PIGN: variants seen among roughly 807,000 people sequenced by gnomAD.
PIGN encodes GPI ethanolamine phosphate transferase 1.
In PIGN, 117 loss-of-function variants were observed where a neutral mutation model predicts 125.4. That is an observed-to-expected ratio of 0.93 (90% CI 0.80 to 1.09). PIGN has a LOEUF of 1.09. Among genes scored for constraint, PIGN ranks in the 50% least tolerant of loss-of-function variants. The pLI is 0.00. For synonymous variants in PIGN, 392 were observed against 377.8 expected, an observed-to-expected ratio of 1.04 and a Z score of -0.44; for missense variants, 1,075 against 1,094.9, an observed-to-expected ratio of 0.98 and a Z score of 0.26.
chr18:62,065,737 A>AG, intron 30 of PIGN, among the ~76,000 whole-genome samples: 1 of 151,778 alleles, frequency 6.6e-6, no homozygotes, highest in Admixed American at 6.6e-5. Flanking sequence ...CTCCGTCTCC[A>AG]AAAAAAAATA....
chr18:62,174,468 T>C (rs1157527098), intron 1 of PIGN: 1 of 152,120 alleles, frequency 6.6e-6, no homozygotes, highest in Non-Finnish European at 1.5e-5. Flanking sequence ...GCAAAGGCAA[T>C]TGAGTCAAAC....
intron 9 of PIGN, 69 bp downstream of exon 9, chr18:62,146,901 TA>T (rs887638132): frequency 1.3e-6 from 2 of 1,497,406 alleles, no homozygotes; most frequent in Admixed American, 3.5e-5. Context: ...CTCAACATCA[TA>T]AAATATTTAC....
At chr18:62,055,349 T>C (rs1395112123) in intron 30 of PIGN, among the ~76,000 whole-genome samples, 5 of 152,216 alleles carry the variant, frequency 3.3e-5, no homozygotes, top group African/African-American at 1.2e-4. Context: ...TACGCAACAA[T>C]GAATCACCAG....
At chr18:62,072,637 C>G (rs140167431) in intron 30 of PIGN, 36 bp downstream of exon 30, 2 of 1,498,420 alleles carry the variant, frequency 1.3e-6, no homozygotes, top group Non-Finnish European at 1.8e-6. Flanking sequence ...GAACTTATCC[C>G]TGTTGTTAAG....
At chr18:62,070,443 CCA>C (rs2145656263) in intron 30 of PIGN, 1 of 396,390 alleles carries the variant, frequency 2.5e-6, no homozygotes, top group East Asian at 3.6e-5. Flanking sequence ...CTGAGAGCAT[CCA>C]CAGTCTATTG....
At chr18:62,166,172 G>A (rs760774853) in intron 1 of PIGN, among the ~76,000 whole-genome samples, 5 of 152,168 alleles carry the variant, frequency 3.3e-5, no homozygotes, top group Admixed American at 2.6e-4. Context: ...CTGAGTTTGC[G>A]CAGGACCTTC....
chr18:62,092,996 C>T (rs964249215), intron 23 of PIGN, among the ~76,000 whole-genome samples: 1 of 151,886 alleles, frequency 6.6e-6, no homozygotes, highest in Non-Finnish European at 1.5e-5. Flanking sequence ...AAATATAGTT[C>T]TTATTTTATA....
rs12326381 is a variant in PIGN, at chr18:62,102,800, C to T, written c.1962G>A (p.Leu654=). 0.21 allele frequency: 309,224 copies of T among 1,456,732 alleles called. 36,512 individuals carry two copies. Among genetic ancestry groups the T allele is most frequent in the Non-Finnish European group, 0.24 (256,256 of 1,058,514 alleles). The allele number at this position is 1,456,732 out of a possible 1,614,324, so 90.2% of individuals were successfully genotyped here. The stretch of plus-strand genomic sequence containing the variant: ...TTGAAAATCTGTAACTGACCTGTAA[C>T]AGATGTACCAATAGCTCTTCCTTTA... ...SFIKEELLVH[L]LQVLSTVLSM... Residue 654 remains leucine (L), a synonymous_variant, in exon 21 of 31, where the codon CTG becomes CTA. Coordinates refer to ENST00000640252, the MANE Select transcript of PIGN (RefSeq NM_176787.5).
chr18:62,086,611 G>GTTT (rs34619080), intron 25 of PIGN, among the ~76,000 whole-genome samples: 5 of 106,844 alleles, frequency 4.7e-5, no homozygotes, highest in Non-Finnish European at 5.5e-5. Context: ...GTAAGACTCC[G>GTTT]TTTTTTGTTT....
At chr18:62,116,033 T>A (rs1000671151) in intron 14 of PIGN, among the ~76,000 whole-genome samples, 5 of 152,202 alleles carry the variant, frequency 3.3e-5, no homozygotes, top group Admixed American at 3.3e-4. Flanking sequence ...TGGGTTCTCA[T>A]GTTGCAGACT....
rs772411133 is a variant in PIGN, at chr18:62,106,882, C to A, written c.1675-1G>T. The stretch of plus-strand genomic sequence containing the variant: ...TATAGCGGTAGAAAAAACTGAGAAC[C>A]TAGTAATGCATTCCAAAGAAGGAAT... On this transcript the variant is annotated splice_acceptor_variant, in intron 18 of 30. Coordinates refer to ENST00000640252, the MANE Select transcript of PIGN (RefSeq NM_176787.5). LOFTEE classifies it high-confidence loss of function. 2 of 1,603,514 alleles carry A rather than the reference C, an allele frequency of 1.2e-6. No homozygotes were observed. Among genetic ancestry groups the A allele is most frequent in the Admixed American group, 1.7e-5 (1 of 58,844 alleles).
chr18:62,080,937 CTGA>C (rs2033419726), intron 28 of PIGN, among the ~76,000 whole-genome samples: 1 of 152,016 alleles, frequency 6.6e-6, no homozygotes, highest in Non-Finnish European at 1.5e-5. Flanking sequence ...CAAGGTTTTG[CTGA>C]TGAACCCAAT....
At chr18:62,104,623 T>C (rs902069106) in intron 20 of PIGN, among the ~76,000 whole-genome samples, 3 of 152,196 alleles carry the variant, frequency 2.0e-5, no homozygotes, top group East Asian at 1.9e-4. Flanking sequence ...TCCTGGTCTA[T>C]TGCATATTGG....
downstream of PIGN, among the ~76,000 whole-genome samples, chr18:62,040,282 C>T (rs939788976): frequency 3.3e-5 from 5 of 149,612 alleles, no homozygotes; most frequent in Admixed American, 1.3e-4. Flanking sequence ...TCCAGGGTGC[C>T]GCACCGCATG....
In PIGN at chr18:62,101,015, T is replaced by C. The variant is rs1184184834; in HGVS notation, c.2077+60A>G. 4.6e-6 allele frequency: 4 copies of C among 864,666 alleles called. No individual in the cohort carries two copies. The African/African-American group carries it at 6.6e-5, about 14-fold the overall frequency. 53.6% of individuals were successfully genotyped at this position (864,666 alleles called of 1,614,324 possible). On this transcript the variant is annotated intron_variant, in intron 22 of 30. Coordinates refer to ENST00000640252, the MANE Select transcript of PIGN (RefSeq NM_176787.5). Reference sequence around the variant, plus strand: ...TAACAATGATACAGACATAAACAGATCATTTTAAAATAACTAAGTTGATGT... The same window carrying C: ...TAACAATGATACAGACATAAACAGACCATTTTAAAATAACTAAGTTGATGT...
At chr18:62,102,261 C>T (rs2034475442) in intron 21 of PIGN, among the ~76,000 whole-genome samples, 1 of 147,626 alleles carries the variant, frequency 6.8e-6, no homozygotes, top group Non-Finnish European at 1.5e-5. Context: ...AAAAACCACA[C>T]AAACTGAAAT....
intron 1 of PIGN, among the ~76,000 whole-genome samples, chr18:62,178,600 TAA>T (rs36043989): frequency 1.1e-4 from 16 of 139,542 alleles, no homozygotes; most frequent in Non-Finnish European, 9.3e-5. Flanking sequence ...AAGACCCACT[TAA>T]AAAAAAAAAA....
chr18:62,021,200 G>C (rs1258006710), intron 23 of PIGN, among the ~76,000 whole-genome samples: 2 of 152,160 alleles, frequency 1.3e-5, no homozygotes, highest in East Asian at 3.8e-4. Context: ...CTTATGCATG[G>C]ATGTTTAAGC....
rs398033140 is a variant in PIGN, at chr18:62,096,516, C to CTTTTTTTTTTTTT, written c.2078-579_2078-567dup. ...TATTAACTCAAAAATGAATTATTTT[C>CTTTTTTTTTTTTT]TTTTTTTTTTTTTTTTTTTTTTTTT... On this transcript the variant is annotated intron_variant, in intron 22 of 30. Transcript: ENST00000640252. Among the ~76,000 whole-genome samples the CTTTTTTTTTTTTT allele has an allele frequency of 1.4e-3, 124 of 85,640 alleles. 2 individuals are homozygous for CTTTTTTTTTTTTT. The highest frequency in any genetic ancestry group is 2.5e-3 in the African/African-American group (46 of 18,372). 56.2% of individuals were successfully genotyped at this position (85,640 alleles called of 152,430 possible). A position where few individuals can be genotyped will look rare whatever the true frequency, so the allele number is the denominator to read the frequency against.
Sources: gnomAD v4.1 joint callset for allele counts (sites outside exome capture counted in the v4.1 genomes callset) on GRCh38, gnomAD v4.1.1 for gene constraint, MANE v1.5 for transcripts, NCBI Gene and HGNC (gene_info 2026-07-23, HGNC 2026-07-21) for gene names.